AKAP12: variants seen among roughly 807,000 people sequenced by gnomAD.
The protein encoded by AKAP12 is A-kinase anchoring protein 12.
Under a neutral mutation model 79.9 loss-of-function variants are expected in AKAP12, and 32 were observed. The observed-to-expected ratio is 0.40, with a 90% CI of 0.30 to 0.54. The LOEUF is 0.54. Among genes scored for constraint, AKAP12 ranks in the 20% least tolerant of loss-of-function variants. The pLI is 0.48. For missense variants in AKAP12, 2,074 were observed against 2,177.0 expected (o/e 0.95, Z 0.94); for synonymous variants, 808 against 857.0 (o/e 0.94, Z 1.00).
chr6:151,267,682 A>G (rs927380317), intron 2 of AKAP12, among the ~76,000 whole-genome samples: 3 of 152,206 alleles, frequency 2.0e-5, no homozygotes, highest in African/African-American at 7.2e-5. Context: ...GTTATTATTT[A>G]CCATTTCTGA....
chr6:151,244,169 C>T lies in AKAP12; in HGVS notation c.162+3445C>T, dbSNP rs376308875. Among the ~76,000 whole-genome samples the T allele has an allele frequency of 2.6e-5, 4 of 152,210 alleles. No homozygotes were observed. In the East Asian group the frequency reaches 5.8e-4, roughly 22 times the overall value. On this transcript the variant is annotated intron_variant, in intron 2 of 4. Coordinates refer to ENST00000402676, the MANE Select transcript of AKAP12 (RefSeq NM_005100.4). The stretch of plus-strand genomic sequence containing the variant: ...AATCACCAAAACATAAAGATGTACT[C>T]GAATAGAAGAGTCCGTTGTCTGACT...
At chr6:151,317,707 C>T (rs1338436711) in intron 3 of AKAP12, among the ~76,000 whole-genome samples, 2 of 152,184 alleles carry the variant, frequency 1.3e-5, no homozygotes, top group African/African-American at 4.8e-5. Flanking sequence ...TCCCTTACCT[C>T]AAGGATGTTG....
chr6:151,259,509 T>TAC (rs1292268852), intron 2 of AKAP12, among the ~76,000 whole-genome samples: 1,541 of 92,044 alleles, frequency 0.017, 34 homozygotes, highest in African/African-American at 0.055. Context: ...TGTATATATA[T>TAC]ATACACACAC....
chr6:151,293,175 T>A (rs1776655605), intron 2 of AKAP12, among the ~76,000 whole-genome samples: 1 of 152,232 alleles, frequency 6.6e-6, no homozygotes, highest in South Asian at 2.1e-4. Flanking sequence ...AAGGATGTGA[T>A]GTAATTATTT....
intron 2 of AKAP12, among the ~76,000 whole-genome samples, chr6:151,267,919 C>G (rs2114707308): frequency 6.6e-6 from 1 of 152,294 alleles, no homozygotes; most frequent in East Asian, 1.9e-4. Flanking sequence ...ACCTGTCTCT[C>G]TCGGCGTTTG....
intron 3 of AKAP12, chr6:151,324,062 C>T: frequency 2.0e-6 from 2 of 985,336 alleles, no homozygotes; most frequent in Non-Finnish European, 2.4e-6. Flanking sequence ...TTGCCCTGCC[C>T]CCTTGGCTCT....
At chr6:151,242,825 G>T (rs746881190) in intron 2 of AKAP12, among the ~76,000 whole-genome samples, 6 of 152,200 alleles carry the variant, frequency 3.9e-5, no homozygotes, top group Non-Finnish European at 7.3e-5. Flanking sequence ...TCCTTCATGC[G>T]TGCCATGTTG....
Position 151,305,824 on chromosome 6 carries a change from C to A in AKAP12, c.240C>A (p.Asp80Glu). Reference protein sequence around the residue: ...EQDELSLQEGDLNGQKGALNG... With the variant: ...EQDELSLQEGELNGQKGALNG... The stretch of plus-strand genomic sequence containing the variant: ...ATGAGCTCAGCCTCCAGGAGGGTGA[C>A]CTAAATGGCCAGAAAGGAGCCCTGA... The change falls in exon 3 of 5, where the codon GAC (aspartate) becomes GAA (glutamate). Residue 80 changes from aspartate (D) to glutamate (E), a missense_variant. Physicochemically the swap from Asp to Glu is conservative, Grantham distance 45 (BLOSUM62 2). Transcript: ENST00000402676. The A allele has an allele frequency of 6.2e-7, 1 of 1,613,950 alleles. No individual in the cohort carries two copies. The highest frequency in any genetic ancestry group is 8.5e-7 in the Non-Finnish European group (1 of 1,179,980).
intron 2 of AKAP12, among the ~76,000 whole-genome samples, chr6:151,268,728 T>C (rs1776107509): frequency 6.6e-6 from 1 of 152,022 alleles, no homozygotes; most frequent in Admixed American, 6.6e-5. Context: ...CTGCAACCTC[T>C]GCCTCCTGGG....
At position 151,259,468 on chromosome 6, in the gene AKAP12, A is replaced by ATC. The variant is rs1554319968; in HGVS notation, c.162+18745_162+18746insCT. Among the ~76,000 whole-genome samples, 584 of 135,362 alleles carry ATC rather than the reference A, an allele frequency of 4.3e-3. 4 individuals carry two copies. The highest frequency in any genetic ancestry group is 0.017 in the African/African-American group (568 of 33,232). 88.8% of individuals were successfully genotyped at this position (135,362 alleles called of 152,430 possible). On this transcript the variant is annotated intron_variant, in intron 2 of 4. Transcript: ENST00000402676. ...TGTATATATATACACACATATATAC[A>ATC]TGTATATATATATATACACACACAT... is the stretch of plus-strand genomic sequence containing the variant.
At chr6:151,339,283 TTTC>T (rs1777889826) in intron 3 of AKAP12, among the ~76,000 whole-genome samples, 1 of 152,222 alleles carries the variant, frequency 6.6e-6, no homozygotes, top group Non-Finnish European at 1.5e-5. Flanking sequence ...GAAATTGACT[TTTC>T]TTTCAAAAAG....
intron 3 of AKAP12, among the ~76,000 whole-genome samples, chr6:151,322,116 G>T (rs569387025): frequency 1.3e-5 from 2 of 151,810 alleles, no homozygotes; most frequent in East Asian, 3.9e-4. Flanking sequence ...CATCATGTTG[G>T]CCAGGCTGGT....
At chr6:151,339,835 A>G (rs1777902807) in intron 3 of AKAP12, among the ~76,000 whole-genome samples, 1 of 151,992 alleles carries the variant, frequency 6.6e-6, no homozygotes, top group African/African-American at 2.4e-5. Context: ...GGAATCATAC[A>G]TTGTGTATCT....
chr6:151,275,368 G>C (rs764062956), intron 2 of AKAP12, among the ~76,000 whole-genome samples: 25 of 152,036 alleles, frequency 1.6e-4, no homozygotes, highest in Non-Finnish European at 2.8e-4. Flanking sequence ...TTGCTTTCGG[G>C]ATGTTGAGCC....
At chr6:151,304,582 T>A (rs1776936706) in intron 2 of AKAP12, among the ~76,000 whole-genome samples, 1 of 150,038 alleles carries the variant, frequency 6.7e-6, no homozygotes, top group African/African-American at 2.5e-5. Flanking sequence ...TCATTTTTGT[T>A]TTTTGTTTTT....
intron 2 of AKAP12, among the ~76,000 whole-genome samples, chr6:151,264,246 G>A (rs564868514): frequency 1.7e-4 from 26 of 152,028 alleles, no homozygotes; most frequent in African/African-American, 6.0e-4. Flanking sequence ...CATTCCTTGA[G>A]GACAAGAGGC....
chr6:151,270,738 ATC>A (rs1266935646), intron 2 of AKAP12, among the ~76,000 whole-genome samples: 1 of 151,898 alleles, frequency 6.6e-6, no homozygotes, highest in Non-Finnish European at 1.5e-5. Flanking sequence ...GTGAAGTGGC[ATC>A]TCACTGTGGT....
chr6:151,302,133 C>A (rs1175168959), intron 2 of AKAP12, among the ~76,000 whole-genome samples: 2 of 151,832 alleles, frequency 1.3e-5, no homozygotes, highest in Non-Finnish European at 2.9e-5. Context: ...GCCTCAGCTT[C>A]CCTAGTAGCT....
chr6:151,326,974 G>A (rs922421962), intron 3 of AKAP12, among the ~76,000 whole-genome samples: 2 of 151,960 alleles, frequency 1.3e-5, no homozygotes, highest in African/African-American at 4.8e-5. Context: ...GTGCCACCAC[G>A]CCCAGATAAT....
Sources: allele counts gnomAD v4.1 joint callset (sites outside exome capture counted in the v4.1 genomes callset), GRCh38; gene constraint gnomAD v4.1.1; transcripts MANE v1.5; gene names NCBI Gene and HGNC (gene_info 2026-07-23, HGNC 2026-07-21).